NRF1: variants seen among roughly 807,000 people sequenced by gnomAD.
The protein encoded by NRF1 is nuclear respiratory factor 1, also known as alpha palindromic-binding protein.
In NRF1, 5 loss-of-function variants were observed where a neutral mutation model predicts 58.5. That is an observed-to-expected ratio of 0.09 (90% CI 0.04 to 0.18). The LOEUF is 0.18. Ranked by LOEUF, NRF1 falls within the 10% of genes least tolerant of loss-of-function variation. The pLI, the probability that NRF1 is intolerant of heterozygous loss-of-function variation, is 1.00. For synonymous variants in NRF1, 224 were observed against 246.7 expected (o/e 0.91, Z 0.86); for missense variants, 288 against 657.7 (o/e 0.44, Z 6.15).
rs148771568 is a variant in NRF1, at chr7:129,718,952, T to C, written c.1223+1576T>C. On this transcript the variant is annotated intron_variant, in intron 9 of 10. Coordinates refer to ENST00000393232, the MANE Select transcript of NRF1 (RefSeq NM_005011.5). ...TATAGATAAAATTCTCATCGCGGTG[T>C]CCAACCTATAGTTAGCATTTCAAGA... Among the ~76,000 whole-genome samples, 14 of 152,296 alleles carry C rather than the reference T, an allele frequency of 9.2e-5. No individual in the cohort carries two copies. In the East Asian group the frequency reaches 2.5e-3, roughly 27 times the overall value.
At chr7:129,686,292 G>C (rs73470476) in intron 4 of NRF1, among the ~76,000 whole-genome samples, 12,199 of 152,014 alleles carry the variant, frequency 0.08, 1,557 homozygotes, top group African/African-American at 0.28. Context: ...GGTTAGGCAG[G>C]CACAACTTTA....
chr7:129,751,668 G>C (rs1804119464), intron 10 of NRF1, among the ~76,000 whole-genome samples: 1 of 146,820 alleles, frequency 6.8e-6, no homozygotes, highest in Admixed American at 6.7e-5. Flanking sequence ...TGTACAGCAA[G>C]GGACTTGTTC....
intron 1 of NRF1, among the ~76,000 whole-genome samples, chr7:129,612,677 C>T (rs546998346): frequency 2.4e-4 from 36 of 152,172 alleles, no homozygotes; most frequent in Non-Finnish European, 4.6e-4. Flanking sequence ...AGGAACAGAA[C>T]CTTTTGCCAC....
At chr7:129,657,279 C>CT in intron 1 of NRF1, 67 bp from the exon 2 acceptor site, 1 of 1,169,314 alleles carries the variant, frequency 8.6e-7, no homozygotes, top group Non-Finnish European at 1.3e-6. Context: ...TAAAATATCT[C>CT]TTAGTTTAAA....
chr7:129,756,781 ATGTTCTTT>A lies in NRF1; in HGVS notation c.*1601_*1608del, dbSNP rs1804270323. Reference sequence around the variant, plus strand: ...TGCTTGTTTTATATAAAACTATCTAATGTTCTTTATATGTTCTTTTCTGTACGTAATGG... The same window carrying A: ...TGCTTGTTTTATATAAAACTATCTAAATATGTTCTTTTCTGTACGTAATGG... On this transcript the variant is annotated 3_prime_UTR_variant, in exon 11 of 11. Transcript: ENST00000393232. 6.6e-6 allele frequency: 1 copy of A among 152,540 alleles called. No individual in the cohort carries two copies. The highest frequency in any genetic ancestry group is 1.5e-5 in the Non-Finnish European group (1 of 68,018). 9.4% of individuals were successfully genotyped at this position (152,540 alleles called of 1,614,324 possible).
intron 2 of NRF1, 124 bp downstream of exon 2, chr7:129,657,698 C>A: frequency 1.6e-6 from 1 of 642,790 alleles, no homozygotes; most frequent in Non-Finnish European, 2.6e-6. Flanking sequence ...CAGCCTTGAT[C>A]TTCCGGGTTC....
intron 1 of NRF1, among the ~76,000 whole-genome samples, chr7:129,621,421 A>T (rs953685219): frequency 6.6e-6 from 1 of 152,256 alleles, no homozygotes; most frequent in Non-Finnish European, 1.5e-5. Context: ...GATGATCTTT[A>T]CATTCAGTAA....
intron 9 of NRF1, among the ~76,000 whole-genome samples, chr7:129,722,897 C>T (rs1005984296): frequency 3.9e-5 from 6 of 152,134 alleles, no homozygotes; most frequent in African/African-American, 1.4e-4. Context: ...AGAATAATTA[C>T]AGGAAATAAG....
chr7:129,636,326 C>T (rs1289439958), intron 1 of NRF1, among the ~76,000 whole-genome samples: 1 of 149,920 alleles, frequency 6.7e-6, no homozygotes, highest in Non-Finnish European at 1.5e-5. Context: ...CCTCCATCTC[C>T]TGGGTTCAAG....
In NRF1 at chr7:129,717,246, G is replaced by C; in HGVS notation, c.1093G>C (p.Gly365Arg). 6.2e-7 allele frequency: 1 copy of C among 1,612,672 alleles called. No individual in the cohort carries two copies. Among genetic ancestry groups the C allele is most frequent in the South Asian group, 1.1e-5 (1 of 90,788 alleles). Reference sequence around the variant, plus strand: ...GGAACAAAATTGGGCCACGTTACAGGGAGGTGAGATGACCATCCAGACGAC... The same window carrying C: ...GGAACAAAATTGGGCCACGTTACAGCGAGGTGAGATGACCATCCAGACGAC... ...EVEQNWATLQ[G>R]GEMTIQTTQA... Residue 365 changes from glycine (G) to arginine (R), a missense_variant, in exon 9 of 11, where the codon GGA becomes CGA. Transcript: ENST00000393232.
intron 1 of NRF1, among the ~76,000 whole-genome samples, chr7:129,656,900 A>G (rs1013911855): frequency 6.6e-6 from 1 of 152,146 alleles, no homozygotes. Flanking sequence ...AAGCAGAAAG[A>G]CCAATTTGAA....
At chr7:129,614,090 C>T (rs371786716) in intron 1 of NRF1, among the ~76,000 whole-genome samples, 15 of 152,220 alleles carry the variant, frequency 9.9e-5, no homozygotes, top group African/African-American at 2.6e-4. Context: ...ATCCCCAAGT[C>T]GGCAATTTTT....
At chr7:129,730,884 A>G (rs1409571935) in intron 10 of NRF1, among the ~76,000 whole-genome samples, 2 of 151,854 alleles carry the variant, frequency 1.3e-5, no homozygotes, top group African/African-American at 2.4e-5. Context: ...GTCTGAGGTG[A>G]GAGGACTGCT....
intron 4 of NRF1, among the ~76,000 whole-genome samples, chr7:129,680,093 A>G (rs1268193307): frequency 6.6e-6 from 1 of 152,152 alleles, no homozygotes; most frequent in African/African-American, 2.4e-5. Flanking sequence ...AAAAATAGGC[A>G]AAAGGTCTGA....
intron 8 of NRF1, among the ~76,000 whole-genome samples, chr7:129,716,412 AT>A (rs997504297): frequency 9.1e-4 from 138 of 151,520 alleles, no homozygotes; most frequent in African/African-American, 3.0e-3. Flanking sequence ...TATAGTTTGA[AT>A]TTTTTTTTCC....
At chr7:129,630,873 T>C (rs991367449) in intron 1 of NRF1, among the ~76,000 whole-genome samples, 10 of 152,216 alleles carry the variant, frequency 6.6e-5, no homozygotes, top group African/African-American at 1.9e-4. Flanking sequence ...TTCAAATACC[T>C]GGAATATTTA....
chr7:129,698,022 G>A (rs1802739641), intron 5 of NRF1, among the ~76,000 whole-genome samples: 1 of 152,092 alleles, frequency 6.6e-6, no homozygotes. Flanking sequence ...GTGAGCCACT[G>A]CACCCAGCCA....
At chr7:129,637,734 T>C (rs997830597) in intron 1 of NRF1, among the ~76,000 whole-genome samples, 3 of 152,218 alleles carry the variant, frequency 2.0e-5, no homozygotes, top group Non-Finnish European at 2.9e-5. Flanking sequence ...CACATAAATC[T>C]ATTTCATCCT....
At chr7:129,681,379 T>C (rs1028537524) in intron 4 of NRF1, among the ~76,000 whole-genome samples, 4 of 152,096 alleles carry the variant, frequency 2.6e-5, no homozygotes, top group African/African-American at 9.7e-5. Flanking sequence ...CAAATACATA[T>C]GGTGTGTGAA....
Sources: allele counts gnomAD v4.1 joint callset (sites outside exome capture counted in the v4.1 genomes callset), GRCh38; gene constraint gnomAD v4.1.1; transcripts MANE v1.5; gene names NCBI Gene and HGNC (gene_info 2026-07-23, HGNC 2026-07-21).